ELP1: variants seen among roughly 807,000 people sequenced by gnomAD.
ELP1 encodes elongator acetyltransferase complex subunit 1.
Under a neutral mutation model 183.2 loss-of-function variants are expected in ELP1, and 131 were observed. The ratio of observed to expected loss-of-function variants is 0.72; its 90% CI spans 0.62 to 0.83. The LOEUF is 0.83. Among genes scored for constraint, ELP1 ranks in the 40% least tolerant of loss-of-function variants. The pLI, the probability that ELP1 is intolerant of heterozygous loss-of-function variation, is 0.00. For synonymous variants in ELP1, 555 were observed against 569.0 expected (o/e 0.98, Z 0.35); for missense variants, 1,550 against 1,594.9 (o/e 0.97, Z 0.48).
rs760084617 is a variant in ELP1, at chr9:108,878,093, T to C, written c.3757A>G (p.Arg1253Gly). 8.1e-6 allele frequency: 13 copies of C among 1,613,044 alleles called. 1 individual carries two copies. The Middle Eastern group carries it at 6.6e-4, about 82-fold the overall frequency. ...LFLFEFDEQG[R>G]ELQKAFEDTL... is the part of the protein sequence containing the mutation. Reference sequence around the variant, plus strand: ...TCTTCAAAGGCCTTCTGTAATTCCCTTCCTTGTTCATCAAACTCAAAGAGA... The same window carrying C: ...TCTTCAAAGGCCTTCTGTAATTCCCCTCCTTGTTCATCAAACTCAAAGAGA... The change falls in exon 35 of 37, where the codon AGG becomes GGG. Residue 1253 changes from arginine (R) to glycine (G), a missense_variant. Arg to Gly is a moderately radical substitution (Grantham distance 125). Coordinates refer to ENST00000374647, the MANE Select transcript of ELP1 (RefSeq NM_003640.5).
At position 108,916,257 on chromosome 9, in the gene ELP1, G is replaced by A. The variant is rs1463001089; in HGVS notation, c.905C>T (p.Ala302Val). 13 of 1,614,134 alleles carry A rather than the reference G, an allele frequency of 8.1e-6. No individual in the cohort carries two copies. Among genetic ancestry groups the A allele is most frequent in the Non-Finnish European group, 1.1e-5 (13 of 1,179,974 alleles). Reference protein sequence around the residue: ...LLWNADSSVLAVWLEDLQREE... With the variant: ...LLWNADSSVLVVWLEDLQREE... Reference sequence around the variant, plus strand: ...TCTCTGAAGGTCTTCCAGCCAGACTGCAAGCACAGAGGAATCTGCATTCCA... The same window carrying A: ...TCTCTGAAGGTCTTCCAGCCAGACTACAAGCACAGAGGAATCTGCATTCCA... The change falls in exon 10 of 37, where the codon GCA becomes GTA. Residue 302 changes from alanine to valine, a missense_variant. Transcript: ENST00000374647.
intron 6 of ELP1, 141 bp from the exon 7 acceptor site, chr9:108,919,490 C>T (rs1210302533): frequency 6.9e-6 from 4 of 581,726 alleles, no homozygotes; most frequent in South Asian, 4.7e-5. Context: ...AGAAACCATC[C>T]AAGGGTTGGT....
intron 3 of ELP1, among the ~76,000 whole-genome samples, chr9:108,927,733 A>G (rs1248904136): frequency 6.6e-6 from 1 of 152,246 alleles, no homozygotes; most frequent in Non-Finnish European, 1.5e-5. Flanking sequence ...TGTCATCTGC[A>G]ACAACATAGA....
rs1449209435 is a variant in ELP1, at chr9:108,930,710, AC to A, written c.150+286del. ...CGTCTCAAAAAAAAAAAAAAAAAAA[AC>A]CACTCTTATAAACAGAATTTGCATG... On this transcript the variant is annotated intron_variant, in intron 2 of 36. Transcript: ENST00000374647. 2.7e-3 allele frequency among the ~76,000 whole-genome samples: 377 copies of A among 138,224 alleles called. 3 individuals are homozygous for A. Among genetic ancestry groups the A allele is most frequent in the Non-Finnish European group, 4.3e-3 (274 of 63,574 alleles). The allele number at this position is 138,224 out of a possible 152,430, so 90.7% of individuals were successfully genotyped here.
chr9:108,931,232 T>C (rs1180159521), intron 1 of ELP1, 31 bp from the exon 2 acceptor site: 36 of 1,218,814 alleles, frequency 3.0e-5, no homozygotes, highest in Non-Finnish European at 3.8e-5. Context: ...TTAATAGTGA[T>C]AAATGACCAT....
At chr9:108,881,433 A>G (rs1004588463) in intron 31 of ELP1, among the ~76,000 whole-genome samples, 2 of 152,232 alleles carry the variant, frequency 1.3e-5, no homozygotes, top group Non-Finnish European at 2.9e-5. Context: ...ATTATCTAAT[A>G]TAGTTCATAT....
At position 108,911,087 on chromosome 9, in the gene ELP1, G is replaced by A; in HGVS notation, c.1283C>T (p.Thr428Ile). 2 of 1,614,152 alleles carry A rather than the reference G, an allele frequency of 1.2e-6. No individual in the cohort carries two copies. Among genetic ancestry groups the A allele is most frequent in the Non-Finnish European group, 1.7e-6 (2 of 1,179,988 alleles). Residue 428 changes from threonine to isoleucine, a missense_variant, in exon 12 of 37, where the codon ACA becomes ATA. Physicochemically the swap from Thr to Ile is moderately conservative, Grantham distance 89. Transcript: ENST00000374647. ...LLFPHPVNQV[T>I]FLAHPQKSND... ...ACTCTTTTGAGGGTGTGCTAAGAAT[G>A]TGACTTGATTCACAGGGTGTGGGAA... is the stretch of plus-strand genomic sequence containing the variant.
At chr9:108,904,334 T>G (rs1828940801) in intron 14 of ELP1, among the ~76,000 whole-genome samples, 1 of 149,070 alleles carries the variant, frequency 6.7e-6, no homozygotes, top group African/African-American at 2.5e-5. Context: ...AATCTCAACC[T>G]CCTAGGCTCA....
In ELP1 at chr9:108,912,527, G is replaced by T. The variant is rs371414875; in HGVS notation, c.959-33C>A. The T allele has an allele frequency of 3.5e-5, 53 of 1,521,272 alleles. No homozygotes were observed. The African/African-American group carries it at 6.8e-4, about 20-fold the overall frequency. 94.2% of individuals were successfully genotyped at this position (1,521,272 alleles called of 1,614,324 possible). ...GGAAAATGAAAAGAAGGCCGTTAGA[G>T]GCTGGGAAGCAGACTTCATCCCACT... is the stretch of plus-strand genomic sequence containing the variant. On this transcript the variant is annotated intron_variant, in intron 10 of 36. Transcript: ENST00000374647.
chr9:108,902,557 C>A (rs1828851040), intron 16 of ELP1, among the ~76,000 whole-genome samples: 1 of 152,178 alleles, frequency 6.6e-6, no homozygotes, highest in African/African-American at 2.4e-5. Flanking sequence ...GTTTCCCCTC[C>A]TAAATAAAAT....
At chr9:108,917,055 T>C (rs1409010056) in intron 9 of ELP1, among the ~76,000 whole-genome samples, 1 of 152,252 alleles carries the variant, frequency 6.6e-6, no homozygotes, top group African/African-American at 2.4e-5. Flanking sequence ...ACAAATGCTA[T>C]TATTTGCAAA....
intron 2 of ELP1, among the ~76,000 whole-genome samples, chr9:108,930,195 A>C (rs1829953640): frequency 6.6e-6 from 1 of 152,232 alleles, no homozygotes. Flanking sequence ...ATATGATGCT[A>C]ATAGCTATGC....
Position 108,901,615 on chromosome 9 carries a change from C to T in ELP1, c.1908+13G>A. ...CTGTGAAAAGGATCCAACACCAAAC[C>T]AAGCCTTGATACCTCAATGTCATTG... On this transcript the variant is annotated intron_variant, in intron 17 of 36. Coordinates refer to ENST00000374647, the MANE Select transcript of ELP1 (RefSeq NM_003640.5). 1 of 1,613,998 alleles carries T rather than the reference C, an allele frequency of 6.2e-7. No individual in the cohort carries two copies. The highest frequency in any genetic ancestry group is 8.5e-7 in the Non-Finnish European group (1 of 1,179,864).
chr9:108,926,545 G>C lies in ELP1; in HGVS notation c.444C>G (p.Ile148Met). 1 of 1,612,968 alleles carries C rather than the reference G, an allele frequency of 6.2e-7. No homozygotes were observed. Among genetic ancestry groups the C allele is most frequent in the Non-Finnish European group, 8.5e-7 (1 of 1,179,644 alleles). Residue 148 changes from isoleucine (I) to methionine (M), a missense_variant, in exon 5 of 37, where the codon ATC becomes ATG. Ile to Met is a conservative substitution (Grantham distance 10). Coordinates refer to ENST00000374647, the MANE Select transcript of ELP1 (RefSeq NM_003640.5). ...KDFEPILEQQ[I>M]HQDDFGESKF... ...TACTTTCACCAAAATCATCCTGATG[G>C]ATCTGCTGCTCCAGGATTGGCTCAA...
intron 20 of ELP1, 117 bp from the exon 21 acceptor site, chr9:108,898,866 AGCT>A: frequency 1.4e-6 from 1 of 724,652 alleles, no homozygotes; most frequent in Non-Finnish European, 2.4e-6. Context: ...CCCAATGCCA[AGCT>A]GCTATCACTG....
intron 35 of ELP1, among the ~76,000 whole-genome samples, chr9:108,876,944 T>C (rs1418170277): frequency 6.6e-6 from 1 of 152,090 alleles, no homozygotes; most frequent in Non-Finnish European, 1.5e-5. Context: ...TTGGCCACAT[T>C]AGTCACGAAC....
Position 108,887,124 on chromosome 9 carries a change from G to A in ELP1, c.3222+2208C>T, listed in dbSNP as rs997325311. ...CTCAGGAGGCTGAGGTGGGAGGATC[G>A]CTTGAGCCTAGGAGGTCAAGGTTGT... On this transcript the variant is annotated intron_variant, in intron 29 of 36. Coordinates refer to ENST00000374647, the MANE Select transcript of ELP1 (RefSeq NM_003640.5). Among the ~76,000 whole-genome samples, 6 of 152,076 alleles carry A rather than the reference G, an allele frequency of 3.9e-5. 1 individual carries two copies. Among genetic ancestry groups the A allele is most frequent in the Admixed American group, 3.3e-4 (5 of 15,270 alleles).
rs773500103 is a variant in ELP1, at chr9:108,878,072, C to T, written c.3778G>A (p.Glu1260Lys). The change falls in exon 35 of 37, where the codon GAA becomes AAA. Residue 1260 changes from glutamate (E) to lysine (K), a missense_variant. Transcript: ENST00000374647. The part of the protein sequence containing the change: ...EQGRELQKAF[E>K]DTLQLMERSL... Reference sequence around the variant, plus strand: ...CTTTCCATCAACTGCAGCGTATCTTCAAAGGCCTTCTGTAATTCCCTTCCT... The same window carrying T: ...CTTTCCATCAACTGCAGCGTATCTTTAAAGGCCTTCTGTAATTCCCTTCCT... 6.2e-7 allele frequency: 1 copy of T among 1,613,848 alleles called. No homozygotes were observed. Among genetic ancestry groups the T allele is most frequent in the Non-Finnish European group, 8.5e-7 (1 of 1,179,762 alleles).
chr9:108,893,952 T>C lies in ELP1; in HGVS notation c.2851A>G (p.Ser951Gly). The C allele has an allele frequency of 6.2e-7, 1 of 1,613,900 alleles. No homozygotes were observed. The highest frequency in any genetic ancestry group is 8.5e-7 in the Non-Finnish European group (1 of 1,179,874). ...KRYEKAIGHL[S>G]KCGPEYFPEC... ...TAATCCCCACACTTACCACATTTGC[T>C]GAGGTGGCCAATGGCTTTTTCATAT... The change falls in exon 26 of 37, where the codon AGC becomes GGC. Residue 951 changes from serine to glycine, a missense_variant. By Grantham distance (56) the Ser-to-Gly change is moderately conservative. Transcript: ENST00000374647.
Sources: gnomAD v4.1 joint callset for allele counts (sites outside exome capture counted in the v4.1 genomes callset) on GRCh38, gnomAD v4.1.1 for gene constraint, MANE v1.5 for transcripts, NCBI Gene and HGNC (gene_info 2026-07-23, HGNC 2026-07-21) for gene names.